EVC2: variants seen among roughly 807,000 people sequenced by gnomAD.
The protein encoded by EVC2 is limbin.
Under a neutral mutation model 149.3 loss-of-function variants are expected in EVC2, and 148 were observed. The ratio of observed to expected loss-of-function variants is 0.99; its 90% CI spans 0.87 to 1.14. EVC2 has a LOEUF of 1.14. Ranked by LOEUF, EVC2 falls within the 50% of genes most tolerant of loss-of-function variation. EVC2 has a pLI of 0.00. For missense variants in EVC2, 1,854 were observed against 1,627.3 expected (o/e 1.14, Z -2.40); for synonymous variants, 776 against 649.9 (o/e 1.19, Z -2.95).
intron 14 of EVC2, among the ~76,000 whole-genome samples, chr4:5,621,147 T>C (rs1715658896): frequency 6.6e-6 from 1 of 152,148 alleles, no homozygotes; most frequent in Non-Finnish European, 1.5e-5. Context: ...CCTATTTTCC[T>C]GGTAGCAAGG....
intron 16 of EVC2, among the ~76,000 whole-genome samples, chr4:5,596,294 T>G (rs970567877): frequency 3.3e-5 from 5 of 152,274 alleles, no homozygotes; most frequent in Middle Eastern, 3.4e-3. Flanking sequence ...CCACACCTGT[T>G]CCAAAATTGA....
chr4:5,625,633 C>A lies in EVC2; in HGVS notation c.2046+116G>T. On this transcript the variant is annotated intron_variant, in intron 13 of 21. Coordinates refer to ENST00000344408, the MANE Select transcript of EVC2 (RefSeq NM_147127.5). The surrounding 1 kb of genome is among the most constrained non-coding windows in gnomAD (Gnocchi z 4.0). ...AGTAGATGGCACATCATGGTGCCTG[C>A]CCAGCTGCCCTTCTGATCCTAGTTC... 1 of 1,377,600 alleles carries A rather than the reference C, an allele frequency of 7.3e-7. No homozygotes were observed. Among genetic ancestry groups the A allele is most frequent in the Non-Finnish European group, 1.0e-6 (1 of 988,080 alleles). 85.3% of individuals were successfully genotyped at this position (1,377,600 alleles called of 1,614,324 possible).
At chr4:5,594,394 AC>A in intron 16 of EVC2, among the ~76,000 whole-genome samples, 1 of 152,176 alleles carries the variant, frequency 6.6e-6, no homozygotes, top group Non-Finnish European at 1.5e-5. Flanking sequence ...GAACGATCAG[AC>A]AGCAGCATTC....
In EVC2 at chr4:5,697,706, AAAT is replaced by A. The variant is rs1427353038; in HGVS notation, c.229-62_229-60del. 2.7e-6 allele frequency: 4 copies of A among 1,492,742 alleles called. No individual in the cohort carries two copies. The African/African-American group carries it at 4.2e-5, about 16-fold the overall frequency. 92.5% of individuals were successfully genotyped at this position (1,492,742 alleles called of 1,614,324 possible). A position where few individuals can be genotyped will look rare whatever the true frequency, so the allele number is the denominator to read the frequency against. ...ACACATACTTCTGAGAAGTGATAAT[AAAT>A]AATCTTTGTAAATGACTCACATGGA... On this transcript the variant is annotated intron_variant, in intron 1 of 21. Transcript: ENST00000344408.
In EVC2 at chr4:5,618,472, T is replaced by A. The variant is rs777812194; in HGVS notation, c.2706+6A>T. ...CTGTAATCGGCCACTGACAGGTCCA[T>A]CCTACCTGCAGCTCAGGGGCAGCCA... On this transcript the variant is annotated splice_donor_region_variant and intron_variant, in intron 15 of 21. Coordinates refer to ENST00000344408, the MANE Select transcript of EVC2 (RefSeq NM_147127.5). The surrounding 1 kb of genome is among the most constrained non-coding windows in gnomAD (Gnocchi z 4.4). The A allele has an allele frequency of 6.2e-7, 1 of 1,612,574 alleles. No individual in the cohort carries two copies. Among genetic ancestry groups the A allele is most frequent in the South Asian group, 1.1e-5 (1 of 90,998 alleles).
At chr4:5,635,212 T>G (rs1411503143) in intron 10 of EVC2, among the ~76,000 whole-genome samples, 1 of 151,924 alleles carries the variant, frequency 6.6e-6, no homozygotes, top group Non-Finnish European at 1.5e-5. Flanking sequence ...AATTTTTGTA[T>G]TTTTAGTAGA....
chr4:5,590,319 G>A (rs919536670), intron 16 of EVC2, among the ~76,000 whole-genome samples: 3 of 152,112 alleles, frequency 2.0e-5, no homozygotes, highest in South Asian at 2.1e-4. Flanking sequence ...ATTGGTAAGA[G>A]GTGATCAATA....
chr4:5,540,155 T>C (rs1014243534), downstream of EVC2, among the ~76,000 whole-genome samples: 1 of 152,162 alleles, frequency 6.6e-6, no homozygotes, highest in African/African-American at 2.4e-5. Flanking sequence ...ACTATTAGCA[T>C]AAGTAAAATT....
chr4:5,604,321 A>C (rs142121416), intron 16 of EVC2, among the ~76,000 whole-genome samples: 33 of 152,372 alleles, frequency 2.2e-4, no homozygotes, highest in African/African-American at 7.7e-4. Flanking sequence ...ATAAAGCAAA[A>C]AGCAGAAATA....
intron 19 of EVC2, among the ~76,000 whole-genome samples, chr4:5,572,857 C>T (rs751392049): frequency 3.9e-5 from 6 of 152,122 alleles, no homozygotes; most frequent in South Asian, 4.2e-4. Flanking sequence ...AGACATAGGC[C>T]GGGGTGGTCA....
intron 16 of EVC2, among the ~76,000 whole-genome samples, chr4:5,600,819 C>G (rs1312429780): frequency 6.6e-6 from 1 of 152,176 alleles, no homozygotes; most frequent in Non-Finnish European, 1.5e-5. Context: ...ATTCCCCCCA[C>G]CCATCCTTTG....
At chr4:5,624,122 A>G (rs772665483) in intron 13 of EVC2, among the ~76,000 whole-genome samples, 3 of 152,212 alleles carry the variant, frequency 2.0e-5, no homozygotes, top group Non-Finnish European at 4.4e-5. Context: ...CATCTGAATC[A>G]GGTTAAGAAA....
At chr4:5,608,139 A>G (rs1714544643) in intron 16 of EVC2, among the ~76,000 whole-genome samples, 1 of 152,096 alleles carries the variant, frequency 6.6e-6, no homozygotes, top group South Asian at 2.1e-4. Context: ...CTTCTGTTGG[A>G]TGGAAGAGTC....
rs79980439 is a variant in EVC2, at chr4:5,555,656, T to C, written c.3419+9602A>G. On this transcript the variant is annotated intron_variant and NMD_transcript_variant, in intron 21 of 22. Transcript: ENST00000475313. ...AAAATATACACAATATTTTTTACAA[T>C]ATATGCAAATTCAATATAAACAAAT... Among the ~76,000 whole-genome samples the C allele has an allele frequency of 3.8e-3, 581 of 152,278 alleles. 4 individuals carry two copies. Among genetic ancestry groups the C allele is most frequent in the African/African-American group, 0.013 (547 of 41,558 alleles).
chr4:5,696,308 T>C lies in EVC2; in HGVS notation c.283+1285A>G, dbSNP rs1282380452. Among the ~76,000 whole-genome samples, 5 of 152,110 alleles carry C rather than the reference T, an allele frequency of 3.3e-5. No homozygotes were observed. The highest frequency in any genetic ancestry group is 7.4e-5 in the Non-Finnish European group (5 of 68,018). ...AGCTTTAATGAAGACTCCAAAGTGA[T>C]CCCTCCCTTCAGAGAGGACCCCTCC... is the stretch of plus-strand genomic sequence containing the variant. On this transcript the variant is annotated intron_variant, in intron 2 of 21. Coordinates refer to ENST00000344408, the MANE Select transcript of EVC2 (RefSeq NM_147127.5). The surrounding 1 kb of genome is among the most constrained non-coding windows in gnomAD (Gnocchi z 4.1).
At chr4:5,668,544 C>T (rs951173741) in intron 7 of EVC2, among the ~76,000 whole-genome samples, 1 of 151,690 alleles carries the variant, frequency 6.6e-6, no homozygotes, top group African/African-American at 2.4e-5. Flanking sequence ...ACCTACTAGA[C>T]AAGAAAAAAA....
intron 1 of EVC2, among the ~76,000 whole-genome samples, chr4:5,706,044 C>T (rs950047402): frequency 6.6e-6 from 1 of 152,092 alleles, no homozygotes; most frequent in Non-Finnish European, 1.5e-5. Flanking sequence ...TGGAATATGC[C>T]AAGCTCCTCC....
chr4:5,586,164 T>C (rs1712258636), intron 16 of EVC2, among the ~76,000 whole-genome samples: 1 of 152,140 alleles, frequency 6.6e-6, no homozygotes, highest in Admixed American at 6.5e-5. Flanking sequence ...GCCCGACCTG[T>C]CTAGCTGTTT....
intron 20 of EVC2, among the ~76,000 whole-genome samples, chr4:5,566,441 C>T (rs1245457070): frequency 1.3e-5 from 2 of 152,186 alleles, no homozygotes; most frequent in African/African-American, 2.4e-5. Context: ...TGGCCCTGCC[C>T]TTCCTGAGGC....
Sources: gnomAD v4.1 joint callset for allele counts (sites outside exome capture counted in the v4.1 genomes callset) on GRCh38, gnomAD v4.1.1 for gene constraint, Gnocchi (gnomAD v3.1) non-coding constraint, MANE v1.5 for transcripts, NCBI Gene and HGNC (gene_info 2026-07-23, HGNC 2026-07-21) for gene names.